Variants in ATF3 observed in about 807,000 individuals in gnomAD.
The protein encoded by ATF3 is cyclic AMP-dependent transcription factor ATF-3.
ATF3 carries 10 observed loss-of-function variants against 18.4 expected under a neutral mutation model. That is an observed-to-expected ratio of 0.54 (90% confidence interval 0.34 to 0.92). The LOEUF (loss-of-function observed/expected upper bound fraction) is 0.92. ATF3 is among the 40% of genes least tolerant of loss of function. ATF3 has a pLI of 0.02. For missense variants in ATF3, 183 were observed against 222.3 expected (o/e 0.82, Z 1.12); for synonymous variants, 78 against 87.9 (o/e 0.89, Z 0.63).
intron 1 of ATF3, 96 bp from the exon 2 acceptor site, chr1:212,614,922 G>T (rs1398125511): frequency 1.2e-6 from 2 of 1,607,620 alleles, no homozygotes; most frequent in Non-Finnish European, 1.7e-6. Flanking sequence ...TTTCTCTGAG[G>T]GTGGGGCTCT....
chr1:212,593,602 A>G (rs985688030), intron 1 of ATF3, among the ~76,000 whole-genome samples: 1 of 151,954 alleles, frequency 6.6e-6, no homozygotes, highest in Admixed American at 6.6e-5. Flanking sequence ...TTAGCCAGGC[A>G]TGGTGGCATG....
intron 1 of ATF3, among the ~76,000 whole-genome samples, chr1:212,589,272 G>A (rs1310901176): frequency 6.6e-6 from 1 of 152,158 alleles, no homozygotes; most frequent in Non-Finnish European, 1.5e-5. Flanking sequence ...CATGAGAATG[G>A]AAACAGAGCT....
intron 1 of ATF3, among the ~76,000 whole-genome samples, chr1:212,597,400 G>C (rs1045966769): frequency 7.2e-6 from 1 of 139,702 alleles, no homozygotes; most frequent in African/African-American, 2.7e-5. Context: ...TTATATTCTG[G>C]GTACTGAGTT....
upstream of ATF3, among the ~76,000 whole-genome samples, chr1:212,606,024 T>C (rs1379122286): frequency 6.6e-6 from 1 of 152,198 alleles, no homozygotes; most frequent in African/African-American, 2.4e-5. Context: ...GCACTGCCTG[T>C]GTGTGTGCTG....
At chr1:212,592,436 G>A (rs1304671080) in intron 1 of ATF3, among the ~76,000 whole-genome samples, 1 of 139,078 alleles carries the variant, frequency 7.2e-6, no homozygotes, top group Admixed American at 7.0e-5. Context: ...GTCTTTAAAT[G>A]TCATTTTACA....
chr1:212,590,442 A>G (rs1664861360), intron 1 of ATF3, among the ~76,000 whole-genome samples: 1 of 152,306 alleles, frequency 6.6e-6, no homozygotes, highest in East Asian at 1.9e-4. Flanking sequence ...AAAATGTCAC[A>G]TAAGCATACT....
chr1:212,592,848 G>T (rs12048272), intron 1 of ATF3, among the ~76,000 whole-genome samples: 2 of 151,938 alleles, frequency 1.3e-5, no homozygotes, highest in Non-Finnish European at 2.9e-5. Flanking sequence ...TGATAACATG[G>T]CATTTAAAGA....
At chr1:212,568,420 A>G (rs1466255548) in intron 1 of ATF3, among the ~76,000 whole-genome samples, 1 of 152,190 alleles carries the variant, frequency 6.6e-6, no homozygotes, top group South Asian at 2.1e-4. Context: ...TGCATCATGG[A>G]AAAAGGAGCC....
At chr1:212,568,706 G>C (rs1664426567) in intron 1 of ATF3, among the ~76,000 whole-genome samples, 1 of 152,150 alleles carries the variant, frequency 6.6e-6, no homozygotes, top group Non-Finnish European at 1.5e-5. Flanking sequence ...CTGTCATTTG[G>C]TATTTCTGTC....
At chr1:212,603,794 GTGT>G, upstream of ATF3, among the ~76,000 whole-genome samples, 1 of 150,242 alleles carries the variant, frequency 6.7e-6, no homozygotes, top group East Asian at 1.9e-4. Flanking sequence ...GTGTGTGTGT[GTGT>G]GTGTTCTATA....
chr1:212,593,581 A>G (rs1325027786), intron 1 of ATF3, among the ~76,000 whole-genome samples: 1 of 151,872 alleles, frequency 6.6e-6, no homozygotes, highest in African/African-American at 2.4e-5. Context: ...AAAAAAAAGA[A>G]AATTAAAAAA....
At chr1:212,576,550 C>A (rs953143640) in intron 1 of ATF3, among the ~76,000 whole-genome samples, 1 of 151,508 alleles carries the variant, frequency 6.6e-6, no homozygotes, top group African/African-American at 2.4e-5. Flanking sequence ...ATTCATTTTG[C>A]TTTTACTGAT....
At chr1:212,567,798 T>C (rs75487261) in intron 1 of ATF3, among the ~76,000 whole-genome samples, 3,898 of 152,202 alleles carry the variant, frequency 0.026, 155 homozygotes, top group African/African-American at 0.087. Flanking sequence ...GGAAATGTCT[T>C]CTTAAAGCTC....
chr1:212,580,851 C>T (rs1356113574), intron 1 of ATF3, among the ~76,000 whole-genome samples: 1 of 152,202 alleles, frequency 6.6e-6, no homozygotes, highest in Non-Finnish European at 1.5e-5. Context: ...TTACTGCAAC[C>T]TTCACCTCCC....
chr1:212,597,593 G>T (rs1312866100), intron 1 of ATF3, among the ~76,000 whole-genome samples: 1 of 152,166 alleles, frequency 6.6e-6, no homozygotes, highest in Non-Finnish European at 1.5e-5. Context: ...AAGTGGCAGA[G>T]GTTGAGACTC....
chr1:212,616,246 TTGA>T (rs1655118204), intron 2 of ATF3, among the ~76,000 whole-genome samples: 1 of 151,854 alleles, frequency 6.6e-6, no homozygotes, highest in South Asian at 2.1e-4. Flanking sequence ...CAGAAGGCTT[TTGA>T]GCAGAGAAGC....
At chr1:212,590,808 G>A (rs950481099) in intron 1 of ATF3, among the ~76,000 whole-genome samples, 2 of 152,184 alleles carry the variant, frequency 1.3e-5, no homozygotes, top group Non-Finnish European at 2.9e-5. Context: ...CCGAGTTAGC[G>A]TTGGATATGG....
chr1:212,619,599 T>C lies in ATF3; in HGVS notation c.*44T>C, dbSNP rs774808398. 6.2e-7 allele frequency: 1 copy of C among 1,607,098 alleles called. No individual in the cohort carries two copies. The highest frequency in any genetic ancestry group is 2.2e-5 in the East Asian group (1 of 44,720). On this transcript the variant is annotated 3_prime_UTR_variant, in exon 4 of 4. Transcript: ENST00000341491. This position sits in a 1 kb window ranked among gnomAD's most constrained non-coding sequence, Gnocchi z 4.4. ...CGACTGGGGAGTCCTCATTGAATCC[T>C]CATTTTATACCCAAAACCCTGAAGC... is the stretch of plus-strand genomic sequence containing the variant.
chr1:212,605,430 G>A (rs879418770), upstream of ATF3, among the ~76,000 whole-genome samples: 3 of 152,208 alleles, frequency 2.0e-5, no homozygotes, highest in Admixed American at 6.5e-5. Context: ...GTTCCAAAGC[G>A]AAGAAGTAGG....
Sources: allele counts gnomAD v4.1 joint callset (sites outside exome capture counted in the v4.1 genomes callset), GRCh38; gene constraint gnomAD v4.1.1; non-coding constraint Gnocchi (gnomAD v3.1); transcripts MANE v1.5; gene names NCBI Gene and HGNC (gene_info 2026-07-23, HGNC 2026-07-21).